The following LUC7L2 variants were observed in gnomAD, a reference collection of about 807,000 sequenced individuals.
LUC7L2 encodes LUC7 like 2, pre-mRNA splicing factor, also known as putative RNA-binding protein Luc7-like 2.
Under a neutral mutation model 52.8 loss-of-function variants are expected in LUC7L2, and 25 were observed. That is an observed-to-expected ratio of 0.47 (90% CI 0.34 to 0.66). LUC7L2 has a LOEUF of 0.66. LUC7L2 is among the 30% of genes least tolerant of loss of function. LUC7L2 has a pLI of 0.01. For missense variants in LUC7L2, 328 were observed against 497.8 expected, an observed-to-expected ratio of 0.66 and a Z score of 3.25; for synonymous variants, 144 against 160.9, an observed-to-expected ratio of 0.89 and a Z score of 0.80.
chr7:139,379,709 G>A (rs2094469539), intron 2 of LUC7L2, among the ~76,000 whole-genome samples: 2 of 151,142 alleles, frequency 1.3e-5, no homozygotes, highest in African/African-American at 4.9e-5. Flanking sequence ...GGGATTACAG[G>A]CATGCACCAC....
upstream of LUC7L2, chr7:139,359,682 G>A (rs763218806): frequency 2.3e-4 from 92 of 398,110 alleles, no homozygotes; most frequent in Middle Eastern, 1.9e-3. Flanking sequence ...TGTAATGTAA[G>A]GTTTGGCGCC....
intron 7 of LUC7L2, among the ~76,000 whole-genome samples, chr7:139,411,847 CTT>C (rs963581831): frequency 1.3e-5 from 2 of 150,494 alleles, no homozygotes; most frequent in African/African-American, 4.9e-5. Context: ...AAATTTCACT[CTT>C]TTCCCAGAAG....
intron 1 of LUC7L2, among the ~76,000 whole-genome samples, chr7:139,373,889 T>C (rs191044777): frequency 3.9e-5 from 6 of 152,338 alleles, no homozygotes; most frequent in East Asian, 3.9e-4. Flanking sequence ...GGAAGACTTA[T>C]TAGATACATA....
chr7:139,409,112 G>A (rs1476537289), intron 6 of LUC7L2, among the ~76,000 whole-genome samples: 2 of 151,952 alleles, frequency 1.3e-5, no homozygotes, highest in African/African-American at 4.8e-5. Flanking sequence ...ACTCCAGTCT[G>A]GGCAACAGAG....
At chr7:139,369,632 C>A (rs944856301) in intron 1 of LUC7L2, among the ~76,000 whole-genome samples, 2 of 152,184 alleles carry the variant, frequency 1.3e-5, no homozygotes, top group Non-Finnish European at 2.9e-5. Context: ...CAAGGCTGTT[C>A]CCCAGTTTCA....
chr7:139,390,558 T>G (rs1585106702), intron 2 of LUC7L2, among the ~76,000 whole-genome samples: 1 of 62,752 alleles, frequency 1.6e-5, no homozygotes, highest in East Asian at 3.5e-4. Flanking sequence ...GACAATGTAG[T>G]TTTTTTTTTT....
chr7:139,374,291 A>G, intron 1 of LUC7L2: 1 of 801,358 alleles, frequency 1.2e-6, no homozygotes, highest in Non-Finnish European at 2.0e-6. Flanking sequence ...TTGTTTTTAT[A>G]TAAAAGAATC....
intron 1 of LUC7L2, among the ~76,000 whole-genome samples, chr7:139,350,247 G>A (rs1341860717): frequency 6.6e-6 from 1 of 151,988 alleles, no homozygotes; most frequent in African/African-American, 2.4e-5. Context: ...TCAGCCTCCT[G>A]AGTAGCTGGG....
chr7:139,367,920 AAG>A (rs1214592582), intron 1 of LUC7L2, among the ~76,000 whole-genome samples: 2 of 152,206 alleles, frequency 1.3e-5, no homozygotes, highest in Admixed American at 1.3e-4. Flanking sequence ...CTGCTTATCA[AAG>A]AGAGGCCTGA....
chr7:139,417,094 C>G (rs138639713), intron 8 of LUC7L2: 144 of 155,530 alleles, frequency 9.3e-4, no homozygotes, highest in African/African-American at 3.2e-3. Flanking sequence ...TGGACTGCAG[C>G]GATGTGATCA....
At chr7:139,341,719 G>T (rs6965212) in intron 1 of LUC7L2, among the ~76,000 whole-genome samples, 56,126 of 151,810 alleles carry the variant, frequency 0.37, 14,953 homozygotes, top group African/African-American at 0.76. Flanking sequence ...GGACCAGCGG[G>T]GGGGGGCGCA....
At chr7:139,419,133 A>C (rs1031941524) in intron 9 of LUC7L2, among the ~76,000 whole-genome samples, 6 of 132,346 alleles carry the variant, frequency 4.5e-5, no homozygotes, top group Admixed American at 3.7e-4. Flanking sequence ...AAACAAACAA[A>C]AAAAAAAACA....
At position 139,369,242 on chromosome 7, in the gene LUC7L2, A is replaced by G. The variant is rs573496533; in HGVS notation, c.62-6820A>G. Reference sequence around the variant, plus strand: ...GCAATTGTTACTATGTCAGAATTACAGCTCTGCAAGTAAGTATCAAAATAT... The same window carrying G: ...GCAATTGTTACTATGTCAGAATTACGGCTCTGCAAGTAAGTATCAAAATAT... On this transcript the variant is annotated intron_variant, in intron 1 of 9. Transcript: ENST00000354926. Among the ~76,000 whole-genome samples, 18 of 152,378 alleles carry G rather than the reference A, an allele frequency of 1.2e-4. No homozygotes were observed. In the East Asian group the frequency reaches 3.5e-3, roughly 29 times the overall value.
chr7:139,383,335 C>G (rs549438745), intron 2 of LUC7L2, among the ~76,000 whole-genome samples: 1 of 152,158 alleles, frequency 6.6e-6, no homozygotes, highest in East Asian at 1.9e-4. Flanking sequence ...TCAGGCTGGT[C>G]TTGAACTCCT....
chr7:139,381,359 ATTTTATTTTATTTTAT>A (rs1801007782), intron 2 of LUC7L2, among the ~76,000 whole-genome samples: 1 of 92,530 alleles, frequency 1.1e-5, no homozygotes, highest in Non-Finnish European at 2.2e-5. Flanking sequence ...TACATATTTT[ATTTTATTTTATTTTAT>A]TTTTATTTTA....
intron 4 of LUC7L2, 103 bp from the exon 5 acceptor site, chr7:139,405,541 A>G (rs1795082213): frequency 7.3e-7 from 1 of 1,367,956 alleles, no homozygotes. Flanking sequence ...TTAACCACAT[A>G]CTGCCTTAGA....
intron 2 of LUC7L2, among the ~76,000 whole-genome samples, chr7:139,385,864 C>G (rs1176761961): frequency 6.6e-6 from 1 of 152,106 alleles, no homozygotes; most frequent in Non-Finnish European, 1.5e-5. Flanking sequence ...GTAGTTTTAT[C>G]AACTGTATTT....
chr7:139,367,761 A>G (rs1800239964), intron 1 of LUC7L2, among the ~76,000 whole-genome samples: 1 of 152,350 alleles, frequency 6.6e-6, no homozygotes, highest in African/African-American at 2.4e-5. Flanking sequence ...AGAGAGGTCC[A>G]TCAAGACCTC....
At chr7:139,389,844 T>C (rs55714903) in intron 2 of LUC7L2, among the ~76,000 whole-genome samples, 40,050 of 152,050 alleles carry the variant, frequency 0.26, 5,813 homozygotes, top group African/African-American at 0.38. Flanking sequence ...AATAAGTAGG[T>C]TGACAGCCTG....
Sources: gnomAD v4.1 joint callset for allele counts (sites outside exome capture counted in the v4.1 genomes callset) on GRCh38, gnomAD v4.1.1 for gene constraint, MANE v1.5 for transcripts, NCBI Gene and HGNC (gene_info 2026-07-23, HGNC 2026-07-21) for gene names.